Variants in ANK3 observed in about 807,000 individuals in gnomAD.
ANK3 encodes the protein ankyrin 3, also known as ankyrin-3.
ANK3 carries 57 observed loss-of-function variants against 370.9 expected under a neutral mutation model. The observed-to-expected ratio is 0.15, with a 90% confidence interval of 0.12 to 0.19. ANK3 has a LOEUF of 0.19. ANK3 is among the 10% of genes least tolerant of loss of function. The probability of loss-of-function intolerance (pLI) is 1.00; values close to 1 mark genes in which losing one functional copy is unlikely to be tolerated. For synonymous variants in ANK3, 1,929 were observed against 1,946.3 expected (o/e 0.99, Z 0.23); for missense variants, 4,439 against 5,302.1 (o/e 0.84, Z 5.06).
At chr10:60,512,673 G>T (rs879644834) in intron 2 of ANK3, among the ~76,000 whole-genome samples, 50 of 151,992 alleles carry the variant, frequency 3.3e-4, no homozygotes, top group Non-Finnish European at 6.3e-4. Flanking sequence ...ATGGCAATCT[G>T]GAAAAATTGT....
chr10:60,182,146 A>T (rs1349287691), intron 17 of ANK3, among the ~76,000 whole-genome samples: 9 of 152,176 alleles, frequency 5.9e-5, no homozygotes, highest in Admixed American at 2.0e-4. Flanking sequence ...GCTTTACCAA[A>T]AATTATTTAA....
chr10:60,358,979 G>C (rs1227564244), intron 1 of ANK3, among the ~76,000 whole-genome samples: 2 of 152,064 alleles, frequency 1.3e-5, no homozygotes, highest in African/African-American at 2.4e-5. Context: ...CCTTAGCCGA[G>C]TGTACCTTCT....
intron 1 of ANK3, among the ~76,000 whole-genome samples, chr10:60,379,254 T>C (rs921671088): frequency 3.9e-5 from 6 of 152,190 alleles, no homozygotes; most frequent in Admixed American, 3.9e-4. Context: ...GGAAATTTTA[T>C]ACACTGTTGG....
Position 60,547,379 on chromosome 10 carries a change from T to A in ANK3, c.96+67807A>T, listed in dbSNP as rs192313813. 4.3e-3 allele frequency among the ~76,000 whole-genome samples: 655 copies of A among 151,996 alleles called. 5 individuals carry two copies. Among genetic ancestry groups the A allele is most frequent in the African/African-American group, 0.015 (625 of 41,482 alleles). The stretch of plus-strand genomic sequence containing the variant: ...GTGCTGGGATTACAGGCGTGAGCCA[T>A]CGCTCCCGGTCCTTTTCTTTTTTCT... On this transcript the variant is annotated intron_variant, in intron 2 of 43. Coordinates refer to the ANK3 transcript ENST00000373827.
intron 9 of ANK3, among the ~76,000 whole-genome samples, chr10:60,209,904 G>C (rs972019020): frequency 6.6e-6 from 1 of 152,158 alleles, no homozygotes; most frequent in African/African-American, 2.4e-5. Flanking sequence ...TGATTGTGTG[G>C]ATGGGAAACT....
intron 1 of ANK3, among the ~76,000 whole-genome samples, chr10:60,352,876 A>G (rs1594339219): frequency 6.6e-6 from 1 of 152,222 alleles, no homozygotes; most frequent in African/African-American, 2.4e-5. Context: ...TAGCGTGAGT[A>G]AATGGAACTA....
intron 43 of ANK3, among the ~76,000 whole-genome samples, chr10:60,035,513 GAAGTGCTGGGATTAC>G (rs2074750541): frequency 6.6e-6 from 1 of 151,508 alleles, no homozygotes; most frequent in African/African-American, 2.4e-5. Flanking sequence ...TTGGCCTCCC[GAAGTGCTGGGATTAC>G]AGGTGTGAGC....
chr10:60,363,864 T>A (rs1003240675), intron 1 of ANK3, among the ~76,000 whole-genome samples: 2 of 151,990 alleles, frequency 1.3e-5, no homozygotes, highest in Non-Finnish European at 2.9e-5. Context: ...CCTTTTCTTA[T>A]AGAAAAACAT....
intron 40 of ANK3, chr10:60,059,812 C>T (rs765957789): frequency 1.7e-5 from 27 of 1,614,218 alleles, no homozygotes; most frequent in Non-Finnish European, 1.4e-5. Context: ...TCTGCAGTTA[C>T]GACTGGAGGT....
chr10:60,720,059 G>C (rs74157810), intron 1 of ANK3, among the ~76,000 whole-genome samples: 2 of 152,168 alleles, frequency 1.3e-5, no homozygotes, highest in Non-Finnish European at 2.9e-5. Flanking sequence ...AAGAGGATGA[G>C]AGAAGAGGAG....
At chr10:60,210,349 T>C (rs923102597) in intron 9 of ANK3, among the ~76,000 whole-genome samples, 109 of 152,234 alleles carry the variant, frequency 7.2e-4, no homozygotes, top group African/African-American at 2.5e-3. Context: ...AGAAAACGCC[T>C]GTCTATGAGG....
chr10:60,577,997 C>T (rs1567160446), intron 2 of ANK3, among the ~76,000 whole-genome samples: 1 of 152,158 alleles, frequency 6.6e-6, no homozygotes. Flanking sequence ...ATCTAATGAT[C>T]ATTTGTAAAT....
At chr10:60,353,746 C>A (rs1409593122) in intron 1 of ANK3, among the ~76,000 whole-genome samples, 2 of 152,188 alleles carry the variant, frequency 1.3e-5, no homozygotes, top group South Asian at 2.1e-4. Context: ...AAAGATCACA[C>A]GGGCAGTTTT....
intron 1 of ANK3, among the ~76,000 whole-genome samples, chr10:60,644,890 TA>T (rs10686327): frequency 3.7e-4 from 47 of 125,940 alleles, no homozygotes; most frequent in Admixed American, 4.5e-4. Flanking sequence ...AGTTTTAGTT[TA>T]AAAAAAAAAA....
chr10:60,256,765 C>T (rs780837302), intron 7 of ANK3, among the ~76,000 whole-genome samples: 9 of 152,080 alleles, frequency 5.9e-5, no homozygotes, highest in Non-Finnish European at 1.3e-4. Context: ...GGATAATGGC[C>T]TCCAGCTGCA....
At chr10:60,581,339 G>A (rs1219074096) in intron 2 of ANK3, among the ~76,000 whole-genome samples, 2 of 151,842 alleles carry the variant, frequency 1.3e-5, no homozygotes, top group Non-Finnish European at 2.9e-5. Flanking sequence ...TGATGATTAG[G>A]GGTACCAAGC....
intron 1 of ANK3, among the ~76,000 whole-genome samples, chr10:60,624,391 G>A (rs1681369832): frequency 1.3e-5 from 2 of 152,106 alleles, no homozygotes; most frequent in Admixed American, 1.3e-4. Flanking sequence ...GTCACACACT[G>A]TTGCTGGAAG....
chr10:60,441,874 T>C (rs186679057), intron 2 of ANK3, among the ~76,000 whole-genome samples: 1 of 152,236 alleles, frequency 6.6e-6, no homozygotes, highest in Non-Finnish European at 1.5e-5. Flanking sequence ...TATATTCTCT[T>C]TCCCCATGGT....
intron 26 of ANK3, among the ~76,000 whole-genome samples, chr10:60,113,960 T>C (rs1408577436): frequency 1.3e-5 from 2 of 152,068 alleles, no homozygotes; most frequent in Non-Finnish European, 1.5e-5. Context: ...ACCTAGAAGA[T>C]TAGAACAGCC....
Sources: allele counts gnomAD v4.1 joint callset (sites outside exome capture counted in the v4.1 genomes callset), GRCh38; gene constraint gnomAD v4.1.1; transcripts MANE v1.5; gene names NCBI Gene and HGNC (gene_info 2026-07-23, HGNC 2026-07-21).